The following SLC12A8 variants were observed in gnomAD, a reference collection of about 807,000 sequenced individuals.
The protein encoded by SLC12A8 is cation-chloride cotransporter 9.
Under a neutral mutation model 75.6 loss-of-function variants are expected in SLC12A8, and 69 were observed. The ratio of observed to expected loss-of-function variants is 0.91; its 90% confidence interval spans 0.75 to 1.11. The LOEUF is 1.11. Among genes scored for constraint, SLC12A8 ranks in the 50% most tolerant of loss-of-function variants. The pLI is 0.00. For synonymous variants in SLC12A8, 365 were observed against 372.8 expected (o/e 0.98, Z 0.24); for missense variants, 877 against 896.7 (o/e 0.98, Z 0.28).
chr3:125,088,518 A>T, intron 12 of SLC12A8, 148 bp from the exon 13 acceptor site: 1 of 661,072 alleles, frequency 1.5e-6, no homozygotes, highest in Non-Finnish European at 2.7e-6. Context: ...TAAACAAATA[A>T]TTTTCATTGT....
At chr3:125,152,089 C>A (rs369633080) in intron 5 of SLC12A8, among the ~76,000 whole-genome samples, 1 of 152,328 alleles carries the variant, frequency 6.6e-6, no homozygotes, top group East Asian at 1.9e-4. Context: ...TTTGTTCATA[C>A]ACTAGGAATT....
chr3:125,190,265 G>T, intron 3 of SLC12A8, 110 bp downstream of exon 3: 1 of 1,201,120 alleles, frequency 8.3e-7, no homozygotes, highest in Non-Finnish European at 1.2e-6. Flanking sequence ...TCGTGTTTCA[G>T]GAGCATCTGT....
chr3:125,190,380 G>T lies in SLC12A8; in HGVS notation c.193C>A (p.Leu65Met). ...GVVLFLRTGW[L>M]VGNTGVLLGM... ...GCCACCAACTCAGCACTCACCACCAGCCAGCCAGTCCTCAGGAAGAGCACA... is the reference window on the plus strand; with the variant it reads ...GCCACCAACTCAGCACTCACCACCATCCAGCCAGTCCTCAGGAAGAGCACA... Residue 65 changes from leucine (L) to methionine (M), a missense_variant, in exon 3 of 14, where the codon CTG (leucine) becomes ATG (methionine). Physicochemically the swap from Leu to Met is conservative, Grantham distance 15. Transcript: ENST00000469902. 1 of 1,614,122 alleles carries T rather than the reference G, an allele frequency of 6.2e-7. No homozygotes were observed. The highest frequency in any genetic ancestry group is 8.5e-7 in the Non-Finnish European group (1 of 1,179,964).
intron 6 of SLC12A8, among the ~76,000 whole-genome samples, chr3:125,124,480 C>T (rs1456954782): frequency 6.6e-6 from 1 of 152,194 alleles, no homozygotes; most frequent in Non-Finnish European, 1.5e-5. Context: ...GCACCTTCCA[C>T]CATGTCTGGC....
At chr3:125,093,315 C>A (rs569390841) in intron 10 of SLC12A8, among the ~76,000 whole-genome samples, 1 of 152,246 alleles carries the variant, frequency 6.6e-6, no homozygotes, top group South Asian at 2.1e-4. Context: ...CCCTACATAG[C>A]CCTTCTCTGT....
At chr3:125,128,943 AGAGCTTCCCAGGG>A (rs1933286400) in intron 6 of SLC12A8, among the ~76,000 whole-genome samples, 1 of 152,198 alleles carries the variant, frequency 6.6e-6, no homozygotes, top group East Asian at 1.9e-4. Context: ...GCAAATTCCC[AGAGCTTCCCAGGG>A]TGTGTACATG....
chr3:125,112,814 C>A lies in SLC12A8; in HGVS notation c.913-2479G>T, dbSNP rs548554819. Among the ~76,000 whole-genome samples, 26 of 152,310 alleles carry A rather than the reference C, an allele frequency of 1.7e-4. 1 individual carries two copies. The South Asian group carries it at 4.8e-3, about 28-fold the overall frequency. ...CTCCACTCTGCCTAAACATAAGAATCACCCAGAGATTCTGATTTAATTAGT... is the reference window on the plus strand; with the variant it reads ...CTCCACTCTGCCTAAACATAAGAATAACCCAGAGATTCTGATTTAATTAGT... On this transcript the variant is annotated intron_variant, in intron 8 of 13. Transcript: ENST00000469902.
At chr3:125,160,203 C>CA (rs1934137484) in intron 5 of SLC12A8, among the ~76,000 whole-genome samples, 1 of 152,230 alleles carries the variant, frequency 6.6e-6, no homozygotes, top group Non-Finnish European at 1.5e-5. Flanking sequence ...CTCAGCCTCC[C>CA]AAAGTGCTGG....
chr3:125,174,278 G>C (rs1374885465), intron 5 of SLC12A8, among the ~76,000 whole-genome samples: 2 of 152,130 alleles, frequency 1.3e-5, no homozygotes, highest in Non-Finnish European at 2.9e-5. Flanking sequence ...ACAATGATGA[G>C]ATATTACTAT....
intron 10 of SLC12A8, 69 bp from the exon 11 acceptor site, chr3:125,092,267 C>A (rs1054903298): frequency 2.0e-6 from 2 of 1,015,702 alleles, no homozygotes; most frequent in East Asian, 2.5e-5. Flanking sequence ...GGAAAATATA[C>A]CTATGAGCTC....
At chr3:125,110,441 G>A (rs1024114009) in intron 8 of SLC12A8, 106 bp from the exon 9 acceptor site, 147 of 1,076,366 alleles carry the variant, frequency 1.4e-4, no homozygotes, top group Non-Finnish European at 1.8e-4. Flanking sequence ...CCACTGAGTC[G>A]TCTAGATCTG....
rs1262606031 is a variant in SLC12A8 at position 125,190,400 on chromosome 3, A to G, written c.173T>C (p.Leu58Pro). The G allele has an allele frequency of 1.2e-6, 2 of 1,614,198 alleles. No homozygotes were observed. The highest frequency in any genetic ancestry group is 2.2e-5 in the South Asian group (2 of 91,074). ...CACCAGCCAGCCAGTCCTCAGGAAG[A>G]GCACAACCCCAAAGATGTTGATCAT... is the stretch of plus-strand genomic sequence containing the variant. ...SCMINIFGVV[L>P]FLRTGWLVGN... The change falls in exon 3 of 14, where the codon CTC (leucine) becomes CCC (proline). Residue 58 changes from leucine (L) to proline (P), a missense_variant. Leu to Pro is a moderately conservative substitution (Grantham distance 98, BLOSUM62 -3). Coordinates refer to ENST00000469902, the MANE Select transcript of SLC12A8 (RefSeq NM_024628.6).
At chr3:125,095,979 G>A (rs559008042) in intron 10 of SLC12A8, among the ~76,000 whole-genome samples, 20 of 152,140 alleles carry the variant, frequency 1.3e-4, no homozygotes, top group Non-Finnish European at 2.1e-4. Flanking sequence ...AACTTTCAGC[G>A]CCTTCCATCA....
chr3:125,178,057 T>A, intron 4 of SLC12A8, 83 bp from the exon 5 acceptor site: 1 of 1,139,436 alleles, frequency 8.8e-7, no homozygotes, highest in South Asian at 1.4e-5. Context: ...CTGAGAACCC[T>A]GCACCCCCAT....
intron 5 of SLC12A8, among the ~76,000 whole-genome samples, chr3:125,174,121 A>AAAAC (rs143634683): frequency 5.9e-5 from 9 of 152,114 alleles, no homozygotes; most frequent in Non-Finnish European, 8.8e-5. Flanking sequence ...CAATGATAGG[A>AAAAC]AAACAAACAA....
chr3:125,085,875 CA>C (rs1186930910), intron 13 of SLC12A8, among the ~76,000 whole-genome samples: 3 of 151,892 alleles, frequency 2.0e-5, no homozygotes, highest in Admixed American at 6.6e-5. Flanking sequence ...TGCATCTGAC[CA>C]ATCTCTATTT....
chr3:125,085,807 C>G (rs1938444334), intron 13 of SLC12A8, among the ~76,000 whole-genome samples: 1 of 152,078 alleles, frequency 6.6e-6, no homozygotes. Flanking sequence ...AAACTCCTGG[C>G]CTAAGTGATC....
At position 125,107,772 on chromosome 3, in the gene SLC12A8, G is replaced by C. The variant is rs1396477893; in HGVS notation, c.1414C>G (p.Leu472Val). The change falls in exon 10 of 14, where the codon CTT becomes GTT. Residue 472 changes from leucine to valine, a missense_variant. Coordinates refer to ENST00000469902, the MANE Select transcript of SLC12A8 (RefSeq NM_024628.6). ...MDQLLQLTRK[L>V]ESSQPRQGEG... ...CCTTGCCTGGGCTGGCTACTCTCAAGCTTCCTGGTTAGCTGGAGGAGCTGA... is the reference window on the plus strand; with the variant it reads ...CCTTGCCTGGGCTGGCTACTCTCAACCTTCCTGGTTAGCTGGAGGAGCTGA... 1 of 1,614,162 alleles carries C rather than the reference G, an allele frequency of 6.2e-7. No homozygotes were observed. Among genetic ancestry groups the C allele is most frequent in the South Asian group, 1.1e-5 (1 of 91,082 alleles).
intron 5 of SLC12A8, among the ~76,000 whole-genome samples, chr3:125,145,978 G>A (rs588190): frequency 0.04 from 6,130 of 152,184 alleles, 376 homozygotes; most frequent in South Asian, 0.21. Flanking sequence ...ACAGGCTGGC[G>A]CCACCATGCT....
Sources: allele counts gnomAD v4.1 joint callset (sites outside exome capture counted in the v4.1 genomes callset), GRCh38; gene constraint gnomAD v4.1.1; transcripts MANE v1.5; gene names NCBI Gene and HGNC (gene_info 2026-07-23, HGNC 2026-07-21).